GPD2: variants seen among roughly 807,000 people sequenced by gnomAD.
The protein encoded by GPD2 is glycerol-3-phosphate dehydrogenase 2.
GPD2 carries 54 observed loss-of-function variants against 82.4 expected under a neutral mutation model. The observed-to-expected ratio is 0.66, with a 90% CI of 0.53 to 0.82. The LOEUF (loss-of-function observed/expected upper bound fraction) is 0.82. Ranked by LOEUF, GPD2 falls within the 40% of genes least tolerant of loss-of-function variation. The pLI, the probability that GPD2 is intolerant of heterozygous loss-of-function variation, is 0.00. For missense variants in GPD2, 748 were observed against 896.2 expected (o/e 0.83, Z 2.11); for synonymous variants, 288 against 306.1 (o/e 0.94, Z 0.62).
intron 1 of GPD2, among the ~76,000 whole-genome samples, chr2:156,465,738 G>A (rs1179533321): frequency 6.6e-6 from 1 of 152,124 alleles, no homozygotes; most frequent in Non-Finnish European, 1.5e-5. Context: ...TGCTGCCAAA[G>A]GAATGTCAAA....
intron 1 of GPD2, among the ~76,000 whole-genome samples, chr2:156,445,098 G>A (rs1047523028): frequency 3.9e-5 from 6 of 152,180 alleles, no homozygotes; most frequent in Non-Finnish European, 8.8e-5. Context: ...TTAACCTAAC[G>A]TGGTCTTTTT....
At chr2:156,489,778 TCTCCCCTCCG>T (rs1684100011) in intron 2 of GPD2, among the ~76,000 whole-genome samples, 1 of 39,452 alleles carries the variant, frequency 2.5e-5, no homozygotes, top group Non-Finnish European at 4.5e-5. Context: ...CCTTCCCTCC[TCTCCCCTCCG>T]CTCCCCTTCC....
chr2:156,421,736 T>A, the GPD2 span, among the ~76,000 whole-genome samples: 2 of 152,232 alleles, frequency 1.3e-5, no homozygotes, highest in Admixed American at 1.3e-4. Context: ...GTTGATGTTT[T>A]CCCCTCACTT....
intron 1 of GPD2, chr2:156,436,719 AT>A (rs974671542): frequency 1.3e-5 from 2 of 152,162 alleles, no homozygotes; most frequent in African/African-American, 2.4e-5. Flanking sequence ...TGGAGGCGGC[AT>A]TTGTAAAATA....
chr2:156,561,450 T>C (rs1412633089), intron 9 of GPD2, among the ~76,000 whole-genome samples: 1 of 152,120 alleles, frequency 6.6e-6, no homozygotes, highest in Non-Finnish European at 1.5e-5. Context: ...ACTCTGATTG[T>C]TCGTTCTGGG....
the GPD2 span, among the ~76,000 whole-genome samples, chr2:156,428,708 A>G: frequency 6.6e-6 from 1 of 152,236 alleles, no homozygotes; most frequent in East Asian, 1.9e-4. Context: ...TGGATGTTAC[A>G]TTTAACCATT....
In GPD2 at chr2:156,549,724, A is replaced by G; in HGVS notation, c.778A>G (p.Thr260Ala). 1.9e-6 allele frequency: 3 copies of G among 1,614,112 alleles called. No homozygotes were observed. In the South Asian group the frequency reaches 3.3e-5, roughly 18 times the overall value. The part of the protein sequence containing the change: ...VSLLKKTDPQ[T>A]GKVRVSGARC... ...CTTGCTCAAGAAGACAGACCCCCAGACAGGGAAAGTGCGTGTGAGCGGCGC... is the reference window on the plus strand; with the variant it reads ...CTTGCTCAAGAAGACAGACCCCCAGGCAGGGAAAGTGCGTGTGAGCGGCGC... The change falls in exon 7 of 17, where the codon ACA becomes GCA. Residue 260 changes from threonine (T) to alanine (A), a missense_variant. Coordinates refer to ENST00000438166, the MANE Select transcript of GPD2 (RefSeq NM_000408.5).
chr2:156,557,562 A>T lies in GPD2; in HGVS notation c.1145A>T (p.Tyr382Phe). Residue 382 changes from tyrosine (Y) to phenylalanine (F), a missense_variant, in exon 9 of 17, where the codon TAC becomes TTC. Around this residue, in one of 3 missense-constraint regions of GPD2, gnomAD observed 692 missense variants for 809.7 expected, o/e 0.85. Transcript: ENST00000438166. Reference sequence around the variant, plus strand: ...TTCATTTTGAATGAAGTGCGTAATTACCTGAGTTGTGATGTTGAAGGTAAC... The same window carrying T: ...TTCATTTTGAATGAAGTGCGTAATTTCCTGAGTTGTGATGTTGAAGGTAAC... The part of the protein sequence containing the change: ...INFILNEVRN[Y>F]LSCDVEVRRG... The T allele has an allele frequency of 6.3e-7, 1 of 1,590,008 alleles. No individual in the cohort carries two copies. The highest frequency in any genetic ancestry group is 8.6e-7 in the Non-Finnish European group (1 of 1,158,070).
chr2:156,467,481 G>A (rs887364896), intron 1 of GPD2, among the ~76,000 whole-genome samples: 2 of 152,046 alleles, frequency 1.3e-5, no homozygotes, highest in African/African-American at 4.8e-5. Context: ...AAGCCTTTTT[G>A]TTTGTTGTTT....
intron 6 of GPD2, among the ~76,000 whole-genome samples, chr2:156,526,628 C>T (rs1372427482): frequency 6.6e-6 from 1 of 151,962 alleles, no homozygotes; most frequent in Non-Finnish European, 1.5e-5. Context: ...ATTTGAGGGA[C>T]TTTCTGCTTT....
chr2:156,516,501 T>C (rs1024696971), intron 6 of GPD2, among the ~76,000 whole-genome samples: 2 of 152,236 alleles, frequency 1.3e-5, no homozygotes, highest in African/African-American at 4.8e-5. Context: ...TGCAGTAGCA[T>C]GATCATAGCT....
At chr2:156,433,922 C>A (rs1688353602), upstream of GPD2, among the ~76,000 whole-genome samples, 1 of 152,118 alleles carries the variant, frequency 6.6e-6, no homozygotes, top group African/African-American at 2.4e-5. Context: ...AGAAGGAAAT[C>A]CAGGACTGGC....
At chr2:156,467,021 C>T (rs1265716726) in intron 1 of GPD2, among the ~76,000 whole-genome samples, 1 of 152,026 alleles carries the variant, frequency 6.6e-6, no homozygotes, top group East Asian at 1.9e-4. Flanking sequence ...CAGGGAGACT[C>T]AGAATTTTCT....
At chr2:156,443,283 C>T (rs547957548) in intron 1 of GPD2, among the ~76,000 whole-genome samples, 1 of 152,310 alleles carries the variant, frequency 6.6e-6, no homozygotes, top group Non-Finnish European at 1.5e-5. Context: ...TAATTATTTG[C>T]AAGCATGCAT....
intron 6 of GPD2, among the ~76,000 whole-genome samples, chr2:156,528,729 A>G (rs1258898300): frequency 6.6e-6 from 1 of 151,604 alleles, no homozygotes; most frequent in African/African-American, 2.4e-5. Flanking sequence ...GAGAATGATG[A>G]TTTCCAATTT....
At chr2:156,519,709 T>C (rs1685326187) in intron 6 of GPD2, among the ~76,000 whole-genome samples, 1 of 152,340 alleles carries the variant, frequency 6.6e-6, no homozygotes, top group Middle Eastern at 3.4e-3. Context: ...GGACCCTTCG[T>C]GGGACTTGCG....
chr2:156,534,513 G>C (rs1685989569), intron 6 of GPD2, among the ~76,000 whole-genome samples: 1 of 152,114 alleles, frequency 6.6e-6, no homozygotes, highest in South Asian at 2.1e-4. Context: ...ATCAAAATGA[G>C]TATCAATACT....
chr2:156,469,090 T>G (rs1184379921), intron 1 of GPD2, among the ~76,000 whole-genome samples: 1 of 152,254 alleles, frequency 6.6e-6, no homozygotes, highest in East Asian at 1.9e-4. Flanking sequence ...TTTGTCCTTC[T>G]GTGCCTTATT....
Position 156,439,541 on chromosome 2 carries a change from A to C in GPD2, c.-9+3028A>C, listed in dbSNP as rs1443967134. ...AAAAAAAAAAAAAAAAAAAAAAAAC[A>C]AAAAAAAAAAAACAAGCCAGGCAGG... is the stretch of plus-strand genomic sequence containing the variant. On this transcript the variant is annotated intron_variant, in intron 1 of 16. Transcript: ENST00000438166. Among the ~76,000 whole-genome samples, 65 of 35,642 alleles carry C rather than the reference A, an allele frequency of 1.8e-3. 1 individual carries two copies. Among genetic ancestry groups the C allele is most frequent in the Non-Finnish European group, 4.2e-3 (59 of 13,976 alleles). The allele number at this position is 35,642 out of a possible 152,430, so 23.4% of individuals were successfully genotyped here. A position where few individuals can be genotyped will look rare whatever the true frequency, so the allele number is the denominator to read the frequency against.
Sources: gnomAD v4.1 joint callset for allele counts (sites outside exome capture counted in the v4.1 genomes callset) on GRCh38, gnomAD v4.1.1 for gene constraint, gnomAD v4.1.1 regional missense constraint, MANE v1.5 for transcripts, NCBI Gene and HGNC (gene_info 2026-07-23, HGNC 2026-07-21) for gene names.